CYTH4: variants seen among roughly 807,000 people sequenced by gnomAD.
CYTH4 encodes cytohesin-4.
A neutral mutation model predicts 57.5 loss-of-function variants in CYTH4; 22 were observed. The ratio of observed to expected loss-of-function variants is 0.38; its 90% CI spans 0.27 to 0.55. The LOEUF (loss-of-function observed/expected upper bound fraction) is 0.55, where lower values mean the gene tolerates loss of function less well. Among genes scored for constraint, CYTH4 ranks in the 20% least tolerant of loss-of-function variants. CYTH4 has a pLI of 0.74. For missense variants in CYTH4, 420 were observed against 535.6 expected (o/e 0.78, Z 2.13); for synonymous variants, 186 against 206.5 (o/e 0.90, Z 0.85).
At chr22:37,287,077 G>A (rs1928586194) in intron 1 of CYTH4, among the ~76,000 whole-genome samples, 1 of 152,148 alleles carries the variant, frequency 6.6e-6, no homozygotes, top group Admixed American at 6.5e-5. Context: ...TTCAGGAAGA[G>A]GATGGGGAGG....
chr22:37,305,964 C>G (rs1929379352), intron 8 of CYTH4, among the ~76,000 whole-genome samples: 1 of 152,190 alleles, frequency 6.6e-6, no homozygotes, highest in Non-Finnish European at 1.5e-5. Flanking sequence ...CCAAGAAGCT[C>G]AGGGTGAAGG....
intron 1 of CYTH4, among the ~76,000 whole-genome samples, chr22:37,283,101 C>A (rs574764068): frequency 6.6e-6 from 1 of 152,276 alleles, no homozygotes; most frequent in Non-Finnish European, 1.5e-5. Flanking sequence ...GATGGCGATG[C>A]TTGTCTGGGT....
chr22:37,282,678 G>A (rs1393304329), intron 1 of CYTH4, 90 bp downstream of exon 1: 8 of 1,162,970 alleles, frequency 6.9e-6, no homozygotes, highest in Non-Finnish European at 9.7e-6. Context: ...CCTAGATAAA[G>A]GAATACAGCG....
intron 3 of CYTH4, 113 bp downstream of exon 3, chr22:37,294,837 G>A (rs1310418480): frequency 1.5e-6 from 2 of 1,296,240 alleles, no homozygotes; most frequent in Admixed American, 1.8e-5. Context: ...GTGAAATCAG[G>A]GATTGGCCAG....
intron 6 of CYTH4, 40 bp downstream of exon 6, chr22:37,299,346 G>T: frequency 6.3e-7 from 1 of 1,577,520 alleles, no homozygotes. Context: ...CTCAAGGGTG[G>T]CACAGCCCCA....
At chr22:37,287,724 C>T (rs535513978) in intron 1 of CYTH4, among the ~76,000 whole-genome samples, 3 of 152,214 alleles carry the variant, frequency 2.0e-5, no homozygotes, top group African/African-American at 7.2e-5. Context: ...GGTCAGCAAA[C>T]AAGGGTGCAG....
intron 8 of CYTH4, among the ~76,000 whole-genome samples, chr22:37,306,812 C>A (rs1569111077): frequency 6.6e-6 from 1 of 152,232 alleles, no homozygotes; most frequent in Non-Finnish European, 1.5e-5. Context: ...CCTTCCCGTG[C>A]CCTCACAGTC....
At position 37,311,721 on chromosome 22, in the gene CYTH4, G is replaced by A. The variant is rs1601712816; in HGVS notation, c.957+194G>A. The A allele has an allele frequency of 1.5e-6, 1 of 671,936 alleles. No individual in the cohort carries two copies. Among genetic ancestry groups the A allele is most frequent in the East Asian group, 2.7e-5 (1 of 36,824 alleles). 41.6% of individuals were successfully genotyped at this position (671,936 alleles called of 1,614,324 possible). On this transcript the variant is annotated intron_variant, in intron 11 of 12. Coordinates refer to ENST00000248901, the MANE Select transcript of CYTH4 (RefSeq NM_013385.5). The surrounding 1 kb of genome is among the most constrained non-coding windows in gnomAD (Gnocchi z 4.4). ...GAGAAAAGGTCAATGTGGGTCCAAG[G>A]ACGTGGTTGTCCCCTGTTGTCCCAC...
intron 2 of CYTH4, among the ~76,000 whole-genome samples, chr22:37,293,688 A>G (rs1928831086): frequency 6.6e-6 from 1 of 152,092 alleles, no homozygotes; most frequent in Non-Finnish European, 1.5e-5. Flanking sequence ...CCTGGGGAGA[A>G]AGGGGCTGGG....
intron 9 of CYTH4, among the ~76,000 whole-genome samples, chr22:37,310,775 C>T (rs1929608004): frequency 6.6e-6 from 1 of 152,164 alleles, no homozygotes; most frequent in Non-Finnish European, 1.5e-5. Flanking sequence ...CAAACGCCAG[C>T]TCAAGCAGCT....
intron 7 of CYTH4, among the ~76,000 whole-genome samples, chr22:37,301,276 T>G (rs1374060043): frequency 6.6e-6 from 1 of 152,186 alleles, no homozygotes; most frequent in Non-Finnish European, 1.5e-5. Context: ...CACCCCTTTC[T>G]GAGGGCAGGA....
chr22:37,297,511 C>T, intron 4 of CYTH4, 53 bp from the exon 5 acceptor site: 1 of 1,529,954 alleles, frequency 6.5e-7, no homozygotes, highest in Non-Finnish European at 9.0e-7. Flanking sequence ...CTTCCCCCTC[C>T]CAGGCCTGCT....
At position 37,312,260 on chromosome 22, in the gene CYTH4, A is replaced by T. The variant is rs1929675664; in HGVS notation, c.1112+86A>T. The T allele has an allele frequency of 6.5e-6, 10 of 1,537,422 alleles. No homozygotes were observed. In the South Asian group the frequency reaches 1.2e-4, roughly 18 times the overall value. On this transcript the variant is annotated intron_variant, in intron 12 of 12. Transcript: ENST00000248901. ...TTGGGTCTTGCTTCCTTATCTGTAAAGGGGCTAACTCCAGTCTCTCCCTCC... is the reference window on the plus strand; with the variant it reads ...TTGGGTCTTGCTTCCTTATCTGTAATGGGGCTAACTCCAGTCTCTCCCTCC...
At position 37,297,584 on chromosome 22, in the gene CYTH4, G is replaced by A. The variant is rs1929022160; in HGVS notation, c.255G>A (p.Glu85=). 6 of 1,613,754 alleles carry A rather than the reference G, an allele frequency of 3.7e-6. No individual in the cohort carries two copies. In the South Asian group the frequency reaches 6.6e-5, roughly 18 times the overall value. ...DPAKGIQYFI[E]HKLLTPDVQD... ...TCCAGGGTATCCAGTATTTCATTGA[G>A]CACAAGCTGCTGACCCCTGACGTCC... Residue 85 remains glutamate (E), a synonymous_variant, in exon 5 of 13, where the codon GAG becomes GAA. Transcript: ENST00000248901.
rs565271503 is a variant in CYTH4 at position 37,297,569 on chromosome 22, C to T, written c.240C>T (p.Ile80=). 6.2e-7 allele frequency: 1 copy of T among 1,613,408 alleles called. No individual in the cohort carries two copies. Among genetic ancestry groups the T allele is most frequent in the East Asian group, 2.2e-5 (1 of 44,880 alleles). The change falls in exon 5 of 13, where the codon ATC becomes ATT. Residue 80 remains isoleucine, a synonymous_variant. Coordinates refer to ENST00000248901, the MANE Select transcript of CYTH4 (RefSeq NM_013385.5). ...CTTCTGTGTACCCCCTCCAGGGTATCCAGTATTTCATTGAGCACAAGCTGC... is the reference window on the plus strand; with the variant it reads ...CTTCTGTGTACCCCCTCCAGGGTATTCAGTATTTCATTGAGCACAAGCTGC... The part of the protein sequence containing the change: ...KKFNMDPAKG[I]QYFIEHKLLT...
chr22:37,291,315 T>C (rs1928740300), intron 1 of CYTH4, among the ~76,000 whole-genome samples: 1 of 152,182 alleles, frequency 6.6e-6, no homozygotes, highest in Non-Finnish European at 1.5e-5. Flanking sequence ...CATCTCCGCA[T>C]GGGGCTTTAA....
chr22:37,295,582 C>T lies in CYTH4; in HGVS notation c.168-417C>T, dbSNP rs979646131. On this transcript the variant is annotated intron_variant, in intron 3 of 12. Coordinates refer to ENST00000248901, the MANE Select transcript of CYTH4 (RefSeq NM_013385.5). The surrounding 1 kb of genome is among the most constrained non-coding windows in gnomAD (Gnocchi z 4.1). ...GCTGGGAGGCAGGTGGTGGTATCACCTCCATTTTATAGATGAGGAACCTGA... is the reference window on the plus strand; with the variant it reads ...GCTGGGAGGCAGGTGGTGGTATCACTTCCATTTTATAGATGAGGAACCTGA... 1.3e-5 allele frequency among the ~76,000 whole-genome samples: 2 copies of T among 152,174 alleles called. No individual in the cohort carries two copies. Among genetic ancestry groups the T allele is most frequent in the African/African-American group, 4.8e-5 (2 of 41,436 alleles).
At position 37,295,472 on chromosome 22, in the gene CYTH4, C is replaced by T. The variant is rs1041418154; in HGVS notation, c.168-527C>T. On this transcript the variant is annotated intron_variant, in intron 3 of 12. Transcript: ENST00000248901. The surrounding 1 kb of genome is among the most constrained non-coding windows in gnomAD (Gnocchi z 4.1). ...CATGCACACACACGAGTGGCCGTTT[C>T]TCCAGCTCCCCTGTTCCAGCCACAA... 6.6e-6 allele frequency among the ~76,000 whole-genome samples: 1 copy of T among 152,074 alleles called. No individual in the cohort carries two copies. Among genetic ancestry groups the T allele is most frequent in the Non-Finnish European group, 1.5e-5 (1 of 68,014 alleles).
intron 6 of CYTH4, chr22:37,300,376 G>A (rs1929135946): frequency 3.2e-6 from 2 of 630,436 alleles, no homozygotes; most frequent in Non-Finnish European, 5.7e-6. Context: ...GCCCAGGACT[G>A]TGTGAAGCCC....
Sources: allele counts gnomAD v4.1 joint callset (sites outside exome capture counted in the v4.1 genomes callset), GRCh38; gene constraint gnomAD v4.1.1; non-coding constraint Gnocchi (gnomAD v3.1); transcripts MANE v1.5; gene names NCBI Gene and HGNC (gene_info 2026-07-23, HGNC 2026-07-21).